The following BCL7C variants were observed in gnomAD, a reference collection of about 807,000 sequenced individuals.
The protein encoded by BCL7C is B-cell CLL/lymphoma 7 protein family member C.
A neutral mutation model predicts 26.2 loss-of-function variants in BCL7C; 8 were observed. The observed-to-expected ratio is 0.30, with a 90% confidence interval of 0.18 to 0.55. The LOEUF is 0.55. Ranked by LOEUF, BCL7C falls within the 20% of genes least tolerant of loss-of-function variation. BCL7C has a pLI of 0.93. For synonymous variants in BCL7C, 90 were observed against 116.5 expected, an observed-to-expected ratio of 0.77 and a Z score of 1.47; for missense variants, 262 against 298.5, an observed-to-expected ratio of 0.88 and a Z score of 0.90.
At chr16:30,872,423 G>A (rs2054889747) in intron 5 of BCL7C, among the ~76,000 whole-genome samples, 1 of 152,132 alleles carries the variant, frequency 6.6e-6, no homozygotes, top group African/African-American at 2.4e-5. Context: ...GATGCCAGTA[G>A]CAACCAAGAT....
At chr16:30,862,894 GC>G (rs1335530945) in intron 5 of BCL7C, among the ~76,000 whole-genome samples, 6 of 152,008 alleles carry the variant, frequency 3.9e-5, no homozygotes, top group Non-Finnish European at 1.5e-5. Context: ...CTTAAAAACA[GC>G]CCTAAAAGCT....
intron 5 of BCL7C, among the ~76,000 whole-genome samples, chr16:30,852,929 CTATTT>C (rs138754260): frequency 0.066 from 9,994 of 150,474 alleles, 449 homozygotes; most frequent in Non-Finnish European, 0.11. Context: ...GAAGCTTTTT[CTATTT>C]TATTTTATTT....
At chr16:30,849,079 C>T (rs1038501844) in intron 5 of BCL7C, among the ~76,000 whole-genome samples, 1 of 150,906 alleles carries the variant, frequency 6.6e-6, no homozygotes, top group African/African-American at 2.4e-5. Context: ...CCCAGCTACT[C>T]GGGAGGCTGA....
rs377503351 is a variant in BCL7C, at chr16:30,878,485, G to A, written c.528+10375C>T. ...ACCCAGGAGGCAGAGGTTGCAATGA[G>A]CCGAGATCGTGCCACTGCACTCCAG... On this transcript the variant is annotated intron_variant, in intron 5 of 5. Coordinates refer to the BCL7C transcript ENST00000380317. Among the ~76,000 whole-genome samples, 57 of 149,858 alleles carry A rather than the reference G, an allele frequency of 3.8e-4. 1 individual carries two copies. In the South Asian group the frequency reaches 0.011, roughly 30 times the overall value.
chr16:30,842,721 A>T (rs1011553919), intron 5 of BCL7C, among the ~76,000 whole-genome samples: 19 of 152,130 alleles, frequency 1.2e-4, no homozygotes, highest in African/African-American at 4.3e-4. Context: ...GGCGCCCGCC[A>T]CCGCTCCCAG....
chr16:30,857,164 A>G (rs8059475), intron 5 of BCL7C, among the ~76,000 whole-genome samples: 111,536 of 151,790 alleles, frequency 0.73, 41,477 homozygotes, highest in East Asian at 0.91. Context: ...CGAGGCGGGC[A>G]GATCACATGA....
intron 5 of BCL7C, among the ~76,000 whole-genome samples, chr16:30,873,731 AT>A (rs2054902172): frequency 6.6e-6 from 1 of 151,080 alleles, no homozygotes; most frequent in African/African-American, 2.4e-5. Context: ...GCAGCCTGTA[AT>A]CCCAGCTACT....
intron 5 of BCL7C, among the ~76,000 whole-genome samples, chr16:30,853,307 T>C (rs1173903570): frequency 2.0e-5 from 3 of 151,612 alleles, no homozygotes; most frequent in African/African-American, 4.8e-5. Context: ...AAGACACACA[T>C]ACACACACAC....
intron 5 of BCL7C, among the ~76,000 whole-genome samples, chr16:30,842,742 G>T (rs547614238): frequency 1.3e-5 from 2 of 152,070 alleles, no homozygotes; most frequent in East Asian, 1.9e-4. Flanking sequence ...CTAATTTTTT[G>T]TATTTTTAGT....
chr16:30,879,420 GAAC>G (rs1460367524), intron 5 of BCL7C, among the ~76,000 whole-genome samples: 3 of 151,998 alleles, frequency 2.0e-5, no homozygotes, highest in Non-Finnish European at 4.4e-5. Flanking sequence ...CAGTAAAAAG[GAAC>G]AAACTACTGA....
intron 5 of BCL7C, among the ~76,000 whole-genome samples, chr16:30,842,210 T>C (rs991178871): frequency 6.6e-5 from 10 of 152,176 alleles, no homozygotes; most frequent in African/African-American, 2.4e-4. Flanking sequence ...GTGAAGACCA[T>C]GTAGAGACAC....
At chr16:30,865,738 T>C (rs909422617) in intron 5 of BCL7C, among the ~76,000 whole-genome samples, 1 of 146,538 alleles carries the variant, frequency 6.8e-6, no homozygotes, top group Non-Finnish European at 1.5e-5. Flanking sequence ...TTTTTTTTTT[T>C]TTTTTTGAGA....
At chr16:30,880,312 C>T (rs890425459) in intron 5 of BCL7C, among the ~76,000 whole-genome samples, 1 of 151,256 alleles carries the variant, frequency 6.6e-6, no homozygotes, top group African/African-American at 2.4e-5. Context: ...GGTGAGACCC[C>T]GTCTCTGCAA....
downstream of BCL7C, among the ~76,000 whole-genome samples, chr16:30,883,254 TAG>T (rs1243135630): frequency 2.0e-5 from 3 of 151,728 alleles, no homozygotes; most frequent in African/African-American, 7.3e-5. Context: ...TTTCCACAAA[TAG>T]AGTGTGGAAT....
intron 5 of BCL7C, among the ~76,000 whole-genome samples, chr16:30,871,008 C>T (rs1049880617): frequency 6.6e-6 from 1 of 152,204 alleles, no homozygotes; most frequent in African/African-American, 2.4e-5. Context: ...ATGTACCCAG[C>T]CCAGTGCTGA....
At chr16:30,878,676 C>T (rs2054992359) in intron 5 of BCL7C, among the ~76,000 whole-genome samples, 1 of 147,450 alleles carries the variant, frequency 6.8e-6, no homozygotes, top group African/African-American at 2.5e-5. Flanking sequence ...AACCCAGTCT[C>T]TACTAAAAAT....
intron 5 of BCL7C, among the ~76,000 whole-genome samples, chr16:30,849,976 A>G (rs549925480): frequency 2.0e-5 from 3 of 152,048 alleles, no homozygotes; most frequent in South Asian, 2.1e-4. Context: ...TTGGGAGGCC[A>G]AGGTGGGCAG....
intron 5 of BCL7C, among the ~76,000 whole-genome samples, chr16:30,835,446 A>T (rs1009244347): frequency 6.6e-6 from 1 of 152,210 alleles, no homozygotes; most frequent in Non-Finnish European, 1.5e-5. Context: ...TCTAAGACGG[A>T]GATAACCTAA....
rs553947722 is a variant in BCL7C at position 30,840,214 on chromosome 16, G to GTT, written c.529-5068_529-5067dup. 4.5e-3 allele frequency among the ~76,000 whole-genome samples: 512 copies of GTT among 113,022 alleles called. 3 individuals are homozygous for GTT. Among genetic ancestry groups the GTT allele is most frequent in the Non-Finnish European group, 5.2e-3 (279 of 54,112 alleles). 74.1% of individuals were successfully genotyped at this position (113,022 alleles called of 152,430 possible). The stretch of plus-strand genomic sequence containing the variant: ...GTTCTACACCGTCAAATTCCAAGTT[G>GTT]TTTTTTTTTTTTTTTTTTTTTGAGA... On this transcript the variant is annotated intron_variant, in intron 5 of 5. Transcript: ENST00000380317.
Sources: gnomAD v4.1 joint callset for allele counts (sites outside exome capture counted in the v4.1 genomes callset) on GRCh38, gnomAD v4.1.1 for gene constraint, MANE v1.5 for transcripts, NCBI Gene and HGNC (gene_info 2026-07-23, HGNC 2026-07-21) for gene names.